THSD7A: variants seen among roughly 807,000 people sequenced by gnomAD.
THSD7A encodes thrombospondin type-1 domain-containing protein 7A.
Under a neutral mutation model 231.3 loss-of-function variants are expected in THSD7A, and 96 were observed. That is an observed-to-expected ratio of 0.41 (90% CI 0.35 to 0.49). The LOEUF is 0.49. THSD7A is among the 20% of genes least tolerant of loss of function. The pLI, the probability that THSD7A is intolerant of heterozygous loss-of-function variation, is 0.05. For synonymous variants in THSD7A, 940 were observed against 743.3 expected, an observed-to-expected ratio of 1.26 and a Z score of -4.30; for missense variants, 2,290 against 2,070.2, an observed-to-expected ratio of 1.11 and a Z score of -2.06.
intron 1 of THSD7A, among the ~76,000 whole-genome samples, chr7:11,779,998 G>A (rs114532234): frequency 0.021 from 3,129 of 152,260 alleles, 109 homozygotes; most frequent in African/African-American, 0.071. Context: ...TCGATTGAGT[G>A]ACTTAAACAG....
Position 11,759,680 on chromosome 7 carries a change from C to G in THSD7A, c.190+72077G>C, listed in dbSNP as rs76017915. 3.6e-3 allele frequency among the ~76,000 whole-genome samples: 547 copies of G among 152,020 alleles called. 1 individual carries two copies. The highest frequency in any genetic ancestry group is 0.013 in the African/African-American group (521 of 41,516). ...CACACACACGATTACCTAATCACAC[C>G]TAGAGAGCAGAATGCCAGATACAAG... On this transcript the variant is annotated intron_variant, in intron 1 of 27. Coordinates refer to ENST00000423059, the MANE Select transcript of THSD7A (RefSeq NM_015204.3).
At chr7:11,409,162 T>G (rs1562587100) in intron 19 of THSD7A, among the ~76,000 whole-genome samples, 1 of 152,180 alleles carries the variant, frequency 6.6e-6, no homozygotes, top group African/African-American at 2.4e-5. Flanking sequence ...AAAAACCAAT[T>G]ACTAGGTATC....
In THSD7A at chr7:11,474,538, A is replaced by G. The variant is rs1351530619; in HGVS notation, c.2048T>C (p.Leu683Ser). Residue 683 changes from leucine (L) to serine (S), a missense_variant, in exon 8 of 28, where the codon TTG (leucine) becomes TCG (serine). Transcript: ENST00000423059. The surrounding 1 kb of genome is among the most constrained non-coding windows in gnomAD (Gnocchi z 4.1). ...CTCATTACAGCTTCGTACTTCTTGCAAAGCACTGCTATTTGGACAGCGAAT... is the reference window on the plus strand; with the variant it reads ...CTCATTACAGCTTCGTACTTCTTGCGAAGCACTGCTATTTGGACAGCGAAT... ...GGIRCPNSSA[L>S]QEVRSCNEHP... The G allele has an allele frequency of 2.5e-6, 4 of 1,606,882 alleles. No homozygotes were observed. Among genetic ancestry groups the G allele is most frequent in the Non-Finnish European group, 3.4e-6 (4 of 1,174,868 alleles).
At chr7:11,399,981 A>G (rs1242839460) in intron 23 of THSD7A, among the ~76,000 whole-genome samples, 1 of 152,164 alleles carries the variant, frequency 6.6e-6, no homozygotes, top group Non-Finnish European at 1.5e-5. Flanking sequence ...CTATGCAGCC[A>G]TAAAAAAGGA....
chr7:11,579,732 A>T (rs1791076117), intron 4 of THSD7A, among the ~76,000 whole-genome samples: 1 of 152,198 alleles, frequency 6.6e-6, no homozygotes, highest in African/African-American at 2.4e-5. Context: ...CAAAGAATGT[A>T]GAAAAGACTA....
chr7:11,588,174 A>G (rs544991887), intron 4 of THSD7A, among the ~76,000 whole-genome samples: 12 of 152,306 alleles, frequency 7.9e-5, no homozygotes, highest in African/African-American at 2.9e-4. Context: ...TCGAGTGTGA[A>G]TAATCTTCAA....
intron 1 of THSD7A, among the ~76,000 whole-genome samples, chr7:11,675,879 GAA>G (rs1783619373): frequency 6.6e-6 from 1 of 152,190 alleles, no homozygotes; most frequent in South Asian, 2.1e-4. Flanking sequence ...GCTCTGAAGA[GAA>G]AATGGATCTC....
At chr7:11,408,433 G>A (rs577369050) in intron 19 of THSD7A, among the ~76,000 whole-genome samples, 1 of 151,936 alleles carries the variant, frequency 6.6e-6, no homozygotes, top group African/African-American at 2.4e-5. Flanking sequence ...AGGACGTGGA[G>A]GTTGCAGTGA....
At chr7:11,675,093 G>C (rs1190791385) in intron 1 of THSD7A, among the ~76,000 whole-genome samples, 1 of 152,088 alleles carries the variant, frequency 6.6e-6, no homozygotes, top group Non-Finnish European at 1.5e-5. Context: ...GGACTGGTTA[G>C]AAAGTGGGTG....
chr7:11,381,733 A>G (rs1403618204), intron 24 of THSD7A, among the ~76,000 whole-genome samples: 2 of 152,096 alleles, frequency 1.3e-5, no homozygotes, highest in Non-Finnish European at 2.9e-5. Context: ...TGTGCCTGAA[A>G]TTAAGGTTCT....
Position 11,417,483 on chromosome 7 carries a change from T to C in THSD7A, c.3504A>G (p.Ile1168Met), listed in dbSNP as rs372967845. The C allele has an allele frequency of 2.5e-5, 40 of 1,611,460 alleles. No individual in the cohort carries two copies. In the African/African-American group the frequency reaches 4.4e-4, roughly 18 times the overall value. ...ATTGGGTCCATGGACCCCATTCAGA[T>C]ATCACACAGTCCTCAGGGCATGGTA... is the stretch of plus-strand genomic sequence containing the variant. Reference protein sequence around the residue: ...CKLPCPEDCVISEWGPWTQCV... With the variant: ...CKLPCPEDCVMSEWGPWTQCV... Residue 1168 changes from isoleucine to methionine, a missense_variant, in exon 17 of 28, where the codon ATA becomes ATG. Transcript: ENST00000423059.
At chr7:11,548,610 C>A (rs1332287515) in intron 4 of THSD7A, among the ~76,000 whole-genome samples, 1 of 152,078 alleles carries the variant, frequency 6.6e-6, no homozygotes, top group Non-Finnish European at 1.5e-5. Flanking sequence ...CAAAAATCCT[C>A]AAAAATTACA....
intron 16 of THSD7A, among the ~76,000 whole-genome samples, chr7:11,420,565 G>A (rs1257711219): frequency 6.6e-6 from 1 of 152,226 alleles, no homozygotes; most frequent in Non-Finnish European, 1.5e-5. Flanking sequence ...TGCAGGGGTG[G>A]AGCTTTCAGT....
At chr7:11,647,972 C>T (rs1782347613) in intron 1 of THSD7A, among the ~76,000 whole-genome samples, 2 of 152,056 alleles carry the variant, frequency 1.3e-5, no homozygotes, top group African/African-American at 4.8e-5. Context: ...CTCAATTCTG[C>T]CTCTAATGCA....
intron 6 of THSD7A, among the ~76,000 whole-genome samples, chr7:11,498,328 T>A (rs1787190682): frequency 6.6e-6 from 1 of 152,182 alleles, no homozygotes; most frequent in Non-Finnish European, 1.5e-5. Context: ...GTGAAAGGGA[T>A]CCACCAGCAC....
At chr7:11,765,746 T>A (rs10246079) in intron 1 of THSD7A, among the ~76,000 whole-genome samples, 4,878 of 152,208 alleles carry the variant, frequency 0.032, 267 homozygotes, top group African/African-American at 0.11. Flanking sequence ...TGGTATTCCA[T>A]CTTCTTTCCA....
Position 11,424,752 on chromosome 7 carries a change from C to T in THSD7A, c.3327G>A (p.Val1109=), listed in dbSNP as rs1784262601. The change falls in exon 16 of 28, where the codon GTG becomes GTA. Residue 1109 remains valine (V), a synonymous_variant. Transcript: ENST00000423059. ...AGTTCTCCCGCATATTCACAAAGGTCACCTTGCAGATGCTCCAGGGCTCTG... is the reference window on the plus strand; with the variant it reads ...AGTTCTCCCGCATATTCACAAAGGTTACCTTGCAGATGCTCCAGGGCTCTG... ...WVTEPWSICK[V]TFVNMRENCG... is the part of the protein sequence containing the mutation. 1.2e-6 allele frequency: 2 copies of T among 1,613,894 alleles called. No homozygotes were observed. Among genetic ancestry groups the T allele is most frequent in the Non-Finnish European group, 1.7e-6 (2 of 1,179,904 alleles).
chr7:11,769,135 A>ATTTTTTTTTTTTTTTTT (rs1562541189), intron 1 of THSD7A, among the ~76,000 whole-genome samples: 1 of 36,614 alleles, frequency 2.7e-5, no homozygotes, highest in Non-Finnish European at 6.1e-5. Flanking sequence ...ATATATATAT[A>ATTTTTTTTTTTTTTTTT]TATATATATA....
rs548229953 is a variant in THSD7A, at chr7:11,634,494, C to G, written c.1022+1636G>C. Among the ~76,000 whole-genome samples, 278 of 151,952 alleles carry G rather than the reference C, an allele frequency of 1.8e-3. No homozygotes were observed. Among genetic ancestry groups the G allele is most frequent in the Non-Finnish European group, 3.2e-3 (215 of 67,992 alleles). On this transcript the variant is annotated intron_variant, in intron 2 of 27. Transcript: ENST00000423059. This position sits in a 1 kb window ranked among gnomAD's most constrained non-coding sequence, Gnocchi z 4.1. ...AAGTAACTAATATAACTGTAATATA[C>G]TTCAGGAAAAGAGATAAGAAAATCA...
Sources: gnomAD v4.1 joint callset for allele counts (sites outside exome capture counted in the v4.1 genomes callset) on GRCh38, gnomAD v4.1.1 for gene constraint, Gnocchi (gnomAD v3.1) non-coding constraint, MANE v1.5 for transcripts, NCBI Gene and HGNC (gene_info 2026-07-23, HGNC 2026-07-21) for gene names.